The following TBC1D9 variants were observed in gnomAD, a reference collection of about 807,000 sequenced individuals.
TBC1D9 encodes the protein TBC1 domain family member 9A.
In TBC1D9, 63 loss-of-function variants were observed where a neutral mutation model predicts 132.0. The observed-to-expected ratio is 0.48, with a 90% CI of 0.39 to 0.59. TBC1D9 has a LOEUF of 0.59. Ranked by LOEUF, TBC1D9 falls within the 20% of genes least tolerant of loss-of-function variation. The pLI is 0.00. For synonymous variants in TBC1D9, 610 were observed against 609.9 expected (o/e 1.00, Z 0.00); for missense variants, 1,261 against 1,592.7 (o/e 0.79, Z 3.54).
chr4:140,638,611 C>T (rs980800780), intron 15 of TBC1D9, among the ~76,000 whole-genome samples: 3 of 151,444 alleles, frequency 2.0e-5, no homozygotes, highest in African/African-American at 4.8e-5. Flanking sequence ...AGCAAGACTC[C>T]GTCTCAAAAA....
Position 140,756,147 on chromosome 4 carries a change from G to T in TBC1D9, c.-102C>A. 1 of 971,666 alleles carries T rather than the reference G, an allele frequency of 1.0e-6. No homozygotes were observed. Among genetic ancestry groups the T allele is most frequent in the Non-Finnish European group, 1.4e-6 (1 of 731,048 alleles). 60.2% of individuals were successfully genotyped at this position (971,666 alleles called of 1,614,324 possible). A position where few individuals can be genotyped will look rare whatever the true frequency, so the allele number is the denominator to read the frequency against. ...CTCCTGGGCACACGCGCGCCCGCCC[G>T]CCCGTCCGCTAGGTGCGGCGGCGGC... On this transcript the variant is annotated 5_prime_UTR_variant, in exon 1 of 21. Coordinates refer to ENST00000442267, the MANE Select transcript of TBC1D9 (RefSeq NM_015130.3). This position sits in a 1 kb window ranked among gnomAD's most constrained non-coding sequence, Gnocchi z 5.6.
At chr4:140,747,033 T>C (rs1216963984) in intron 1 of TBC1D9, among the ~76,000 whole-genome samples, 2 of 151,308 alleles carry the variant, frequency 1.3e-5, no homozygotes, top group Non-Finnish European at 2.9e-5. Flanking sequence ...AATAAATAAA[T>C]AAATAAATGC....
chr4:140,642,234 T>C, intron 13 of TBC1D9: 4 of 724,566 alleles, frequency 5.5e-6, no homozygotes, highest in South Asian at 1.6e-5. Flanking sequence ...GAATTCTTCG[T>C]CTTCCTCTGA....
chr4:140,682,514 C>T (rs186220029), intron 3 of TBC1D9, among the ~76,000 whole-genome samples: 40 of 152,226 alleles, frequency 2.6e-4, no homozygotes, highest in Middle Eastern at 3.4e-3. Flanking sequence ...AAATGCCTTT[C>T]GCAGTTGGCA....
At chr4:140,669,494 C>T (rs1737501140) in intron 8 of TBC1D9, 140 bp downstream of exon 8, 1 of 957,334 alleles carries the variant, frequency 1.0e-6, no homozygotes, top group Middle Eastern at 2.5e-4. Flanking sequence ...AAAGTTATAA[C>T]ATATTTAGAC....
Position 140,676,926 on chromosome 4 carries a change from TCTC to T in TBC1D9, c.1024_1026del (p.Glu342del), listed in dbSNP as rs746323435. On this transcript the variant is annotated inframe_deletion, in exon 6 of 21. Coordinates refer to ENST00000442267, the MANE Select transcript of TBC1D9 (RefSeq NM_015130.3). ...AGCGGGATAATGAGGCTACATAAGT[TCTC>T]CTCCTTGCTGGTAAAACAGATGTAA... The T allele has an allele frequency of 2.5e-6, 4 of 1,613,958 alleles. No individual in the cohort carries two copies. The highest frequency in any genetic ancestry group is 3.4e-6 in the Non-Finnish European group (4 of 1,179,884).
In TBC1D9 at chr4:140,755,912, T is replaced by C; in HGVS notation, c.130+4A>G. 1 of 1,552,880 alleles carries C rather than the reference T, an allele frequency of 6.4e-7. No individual in the cohort carries two copies. The highest frequency in any genetic ancestry group is 2.4e-5 in the East Asian group (1 of 41,118). ...CTCCTGCAGGGATCGGCCACGGTCC[T>C]TACCCGCCAGTCCGCCGCCGCCGCC... On this transcript the variant is annotated splice_donor_region_variant and intron_variant, in intron 1 of 20. Transcript: ENST00000442267.
chr4:140,629,712 G>A (rs1338703404), intron 16 of TBC1D9, among the ~76,000 whole-genome samples: 1 of 152,116 alleles, frequency 6.6e-6, no homozygotes, highest in Non-Finnish European at 1.5e-5. Context: ...AGGAAATAGG[G>A]GAACTGTTCC....
chr4:140,628,578 A>C (rs1736743587), intron 16 of TBC1D9, among the ~76,000 whole-genome samples: 1 of 152,230 alleles, frequency 6.6e-6, no homozygotes, highest in African/African-American at 2.4e-5. Flanking sequence ...GGGAGAGTTA[A>C]ACCCTCTGTA....
At chr4:140,720,822 T>A (rs1738412030) in intron 1 of TBC1D9, among the ~76,000 whole-genome samples, 1 of 152,232 alleles carries the variant, frequency 6.6e-6, no homozygotes, top group East Asian at 1.9e-4. Context: ...AGTTCCAGCC[T>A]CAGCAGGTTT....
At chr4:140,717,368 C>T (rs998581780) in intron 1 of TBC1D9, among the ~76,000 whole-genome samples, 1 of 152,166 alleles carries the variant, frequency 6.6e-6, no homozygotes, top group African/African-American at 2.4e-5. Flanking sequence ...AACATTTAAG[C>T]TGCTTCTTCT....
intron 4 of TBC1D9, among the ~76,000 whole-genome samples, 170 bp from the exon 5 acceptor site, chr4:140,679,373 G>T (rs1256505221): frequency 6.6e-6 from 1 of 152,118 alleles, no homozygotes; most frequent in Admixed American, 6.5e-5. Context: ...TGTGAATTCT[G>T]AGGTCAGAAT....
intron 13 of TBC1D9, among the ~76,000 whole-genome samples, chr4:140,647,786 T>C (rs1223243641): frequency 1.3e-5 from 2 of 152,188 alleles, no homozygotes; most frequent in East Asian, 3.8e-4. Flanking sequence ...ACAGTGGCCC[T>C]TCCCTCTGGA....
chr4:140,699,584 C>T (rs991383111), intron 2 of TBC1D9, among the ~76,000 whole-genome samples: 2 of 152,118 alleles, frequency 1.3e-5, no homozygotes, highest in South Asian at 4.2e-4. Context: ...GAGGAGCATG[C>T]CAAAATATAC....
chr4:140,746,190 T>A (rs1738833507), intron 1 of TBC1D9, among the ~76,000 whole-genome samples: 1 of 152,346 alleles, frequency 6.6e-6, no homozygotes, highest in South Asian at 2.1e-4. Context: ...TTCTTTTAAA[T>A]CTTTGTAAAG....
intron 13 of TBC1D9, among the ~76,000 whole-genome samples, chr4:140,654,730 A>T (rs1455942127): frequency 6.6e-6 from 1 of 152,196 alleles, no homozygotes; most frequent in Admixed American, 6.5e-5. Context: ...TTCATTCTTT[A>T]TCTCCAATAG....
In TBC1D9 at chr4:140,679,133, C is replaced by T. The variant is rs753893099; in HGVS notation, c.660G>A (p.Val220=). The T allele has an allele frequency of 6.2e-7, 1 of 1,613,890 alleles. No individual in the cohort carries two copies. Among genetic ancestry groups the T allele is most frequent in the South Asian group, 1.1e-5 (1 of 91,068 alleles). The change falls in exon 5 of 21, where the codon GTG becomes GTA. Residue 220 remains valine, a synonymous_variant. Transcript: ENST00000442267. ...EKNATLLLPD[V]IKVSTRSSEH... Reference sequence around the variant, plus strand: ...CACTGGACCGTGTGCTCACTTTGATCACATCAGGCAGAAGCAGGGTGGCAT... The same window carrying T: ...CACTGGACCGTGTGCTCACTTTGATTACATCAGGCAGAAGCAGGGTGGCAT...
chr4:140,719,971 CT>C (rs1055763016), intron 1 of TBC1D9, among the ~76,000 whole-genome samples: 2 of 152,168 alleles, frequency 1.3e-5, no homozygotes, highest in Non-Finnish European at 2.9e-5. Flanking sequence ...AGCTATATAA[CT>C]GATAAAAACC....
intron 1 of TBC1D9, among the ~76,000 whole-genome samples, chr4:140,746,542 C>A (rs1463445889): frequency 6.6e-6 from 1 of 152,046 alleles, no homozygotes; most frequent in African/African-American, 2.4e-5. Context: ...TGAGAGGGGG[C>A]AATTTACAAA....
Sources: gnomAD v4.1 joint callset for allele counts (sites outside exome capture counted in the v4.1 genomes callset) on GRCh38, gnomAD v4.1.1 for gene constraint, Gnocchi (gnomAD v3.1) non-coding constraint, MANE v1.5 for transcripts, NCBI Gene and HGNC (gene_info 2026-07-23, HGNC 2026-07-21) for gene names.